HPS5: variants seen among roughly 807,000 people sequenced by gnomAD.
HPS5 encodes the protein HPS5 biogenesis of lysosomal organelles complex 2 subunit 2.
HPS5 carries 83 observed loss-of-function variants against 128.0 expected under a neutral mutation model. The ratio of observed to expected loss-of-function variants is 0.65; its 90% CI spans 0.54 to 0.78. The LOEUF is 0.78. Among genes scored for constraint, HPS5 ranks in the 30% least tolerant of loss-of-function variants. The probability of loss-of-function intolerance (pLI) is 0.00; values close to 1 mark genes in which losing one functional copy is unlikely to be tolerated. For missense variants in HPS5, 1,281 were observed against 1,326.2 expected, an observed-to-expected ratio of 0.97 and a Z score of 0.53; for synonymous variants, 475 against 470.2, an observed-to-expected ratio of 1.01 and a Z score of -0.13.
In HPS5 at chr11:18,310,883, G is replaced by A. The variant is rs1174711093; in HGVS notation, c.335C>T (p.Pro112Leu). ...WELNQERRGK[P>L]EQMYVSSEHK... ...TTCTGAAGACACATACATTTGTTCC[G>A]GTTTCCCACGACGCTCTTGATTTAA... is the stretch of plus-strand genomic sequence containing the variant. The change falls in exon 5 of 23, where the codon CCG (proline) becomes CTG (leucine). Residue 112 changes from proline (P) to leucine (L), a missense_variant. Physicochemically the swap from Pro to Leu is moderately conservative, Grantham distance 98. Coordinates refer to ENST00000349215, the MANE Select transcript of HPS5 (RefSeq NM_181507.2). 5.0e-6 allele frequency: 8 copies of A among 1,609,984 alleles called. No individual in the cohort carries two copies. The highest frequency in any genetic ancestry group is 3.4e-5 in the Admixed American group (2 of 59,648).
chr11:18,320,383 C>T (rs1202354490), intron 1 of HPS5, among the ~76,000 whole-genome samples: 3 of 152,108 alleles, frequency 2.0e-5, no homozygotes, highest in Admixed American at 1.3e-4. Flanking sequence ...ATTAGTTTTG[C>T]CCTAGATCCC....
intron 4 of HPS5, 36 bp downstream of exon 4, chr11:18,311,351 T>C: frequency 7.0e-7 from 1 of 1,426,864 alleles, no homozygotes; most frequent in South Asian, 1.2e-5. Flanking sequence ...AAAATGCATT[T>C]GAAAAAGGAC....
In HPS5 at chr11:18,306,276, C is replaced by T. The variant is rs373225781; in HGVS notation, c.683G>A (p.Cys228Tyr). The part of the protein sequence containing the change: ...EYGACFFPGR[C>Y]SGGQQPLIYC... ...TATCAGAGGTTGCTGGCCCCCAGAA[C>T]ATCTTCCAGGAAAGAAACAAGCTCC... Residue 228 changes from cysteine to tyrosine, a missense_variant, in exon 7 of 23, where the codon TGT becomes TAT. By Grantham distance (194) the Cys-to-Tyr change is radical (BLOSUM62 -2). Transcript: ENST00000349215. The T allele has an allele frequency of 3.8e-5, 62 of 1,614,050 alleles. 1 individual carries two copies. The highest frequency in any genetic ancestry group is 4.9e-5 in the Non-Finnish European group (58 of 1,180,002).
chr11:18,287,746 G>C, intron 17 of HPS5, 56 bp from the exon 18 acceptor site: 2 of 1,600,814 alleles, frequency 1.2e-6, no homozygotes, highest in Non-Finnish European at 1.7e-6. Flanking sequence ...TATATAACTT[G>C]GTTACATTTA....
intron 5 of HPS5, among the ~76,000 whole-genome samples, chr11:18,309,958 T>A (rs1862784946): frequency 6.6e-6 from 1 of 152,294 alleles, no homozygotes; most frequent in South Asian, 2.1e-4. Flanking sequence ...AGCCATGATC[T>A]CACCACTGTA....
In HPS5 at chr11:18,298,939, T is replaced by G. The variant is rs770247830; in HGVS notation, c.1017A>C (p.Glu339Asp). ...DIQDVAVCRNELFCLHLNGKV... is the reference protein window; with the variant it reads ...DIQDVAVCRNDLFCLHLNGKV... ...TCCCATTTAGGTGCAAACAGAACAA[T>G]TCATTCCTACAGACAGCCACATCCT... The change falls in exon 10 of 23, where the codon GAA becomes GAC. Residue 339 changes from glutamate to aspartate, a missense_variant. Physicochemically the swap from Glu to Asp is conservative, Grantham distance 45. Transcript: ENST00000349215. The G allele has an allele frequency of 5.5e-5, 88 of 1,614,076 alleles. No homozygotes were observed. The highest frequency in any genetic ancestry group is 7.4e-5 in the Non-Finnish European group (87 of 1,180,048).
rs1363265080 is a variant in HPS5 at position 18,283,910 on chromosome 11, A to G, written c.2952-9T>C. On this transcript the variant is annotated splice_polypyrimidine_tract_variant and intron_variant, in intron 20 of 22. Transcript: ENST00000349215. ...GATATCCAGGCCAGAAACTTTAAAG[A>G]GACCGAAGTTGAAGAAAGGAATAAA... is the stretch of plus-strand genomic sequence containing the variant. 3 of 1,594,638 alleles carry G rather than the reference A, an allele frequency of 1.9e-6. No homozygotes were observed. Among genetic ancestry groups the G allele is most frequent in the Non-Finnish European group, 2.6e-6 (3 of 1,163,182 alleles).
chr11:18,291,372 C>T, intron 16 of HPS5, 70 bp downstream of exon 16: 4 of 960,838 alleles, frequency 4.2e-6, no homozygotes, highest in Admixed American at 4.1e-5. Context: ...TTTTTTAAAC[C>T]CCAAAATTCA....
Position 18,295,014 on chromosome 11 carries a change from G to C in HPS5, c.1784+6C>G, listed in dbSNP as rs1017417668. On this transcript the variant is annotated splice_donor_region_variant and intron_variant, in intron 14 of 22. Transcript: ENST00000349215. The stretch of plus-strand genomic sequence containing the variant: ...AATGTATAGAGATTTATGTGTAAGG[G>C]CTTACTCAGTGTCTTCCTCCTTTGG... The C allele has an allele frequency of 6.2e-7, 1 of 1,613,632 alleles. No homozygotes were observed. The highest frequency in any genetic ancestry group is 1.3e-5 in the African/African-American group (1 of 74,882).
rs774643223 is a variant in HPS5 at position 18,282,207 on chromosome 11, C to G, written c.3072G>C (p.Glu1024Asp). Residue 1024 changes from glutamate to aspartate, a missense_variant, in exon 22 of 23, where the codon GAG becomes GAC. Coordinates refer to ENST00000349215, the MANE Select transcript of HPS5 (RefSeq NM_181507.2). Reference sequence around the variant, plus strand: ...GGAGAAGCTTCCATTCCTCCACGGTCTCTGGGATCCAACCTAAACACACAC... The same window carrying G: ...GGAGAAGCTTCCATTCCTCCACGGTGTCTGGGATCCAACCTAAACACACAC... Reference protein sequence around the residue: ...LMEGDNGWIPETVEEWKLLLH... With the variant: ...LMEGDNGWIPDTVEEWKLLLH... 26 of 1,613,992 alleles carry G rather than the reference C, an allele frequency of 1.6e-5. No individual in the cohort carries two copies. Among genetic ancestry groups the G allele is most frequent in the Non-Finnish European group, 2.1e-5 (25 of 1,180,044 alleles).
chr11:18,281,143 T>C (rs1204378686), intron 22 of HPS5, among the ~76,000 whole-genome samples: 1 of 151,710 alleles, frequency 6.6e-6, no homozygotes, highest in Non-Finnish European at 1.5e-5. Flanking sequence ...AATGGCGTGA[T>C]CTTGGCTCAC....
At chr11:18,317,366 G>A (rs1043147860) in intron 2 of HPS5, among the ~76,000 whole-genome samples, 12 of 150,002 alleles carry the variant, frequency 8.0e-5, no homozygotes, top group Non-Finnish European at 5.9e-5. Flanking sequence ...AGTGATTCTC[G>A]TGCCTCAGCC....
Position 18,279,485 on chromosome 11 carries a change from T to C in HPS5, c.*397A>G, listed in dbSNP as rs1277388855. 1 of 225,020 alleles carries C rather than the reference T, an allele frequency of 4.4e-6. No individual in the cohort carries two copies. The highest frequency in any genetic ancestry group is 8.9e-6 in the Non-Finnish European group (1 of 111,828). The allele number at this position is 225,020 out of a possible 1,614,324, so 13.9% of individuals were successfully genotyped here. On this transcript the variant is annotated 3_prime_UTR_variant, in exon 23 of 23. Transcript: ENST00000349215. ...ACTCCAGTCAATAATACCATCTGTCTTCATGTGACCAGGATGAAAAGCTTC... is the reference window on the plus strand; with the variant it reads ...ACTCCAGTCAATAATACCATCTGTCCTCATGTGACCAGGATGAAAAGCTTC...
chr11:18,279,020 GAAAATATTA>G lies in HPS5; in HGVS notation c.*853_*861del, dbSNP rs1446188597. ...GTCAGCTGTATATGGGTTCAGATTA[GAAAATATTA>G]AATAAATACAGGGAAAAATATTTTT... On this transcript the variant is annotated 3_prime_UTR_variant, in exon 23 of 23. Transcript: ENST00000349215. The G allele has an allele frequency of 6.6e-6, 1 of 152,164 alleles. No individual in the cohort carries two copies. Among genetic ancestry groups the G allele is most frequent in the African/African-American group, 2.4e-5 (1 of 41,444 alleles). The allele number at this position is 152,164 out of a possible 1,614,324, so 9.4% of individuals were successfully genotyped here.
chr11:18,304,446 C>G (rs1408064344), intron 8 of HPS5, among the ~76,000 whole-genome samples: 1 of 152,056 alleles, frequency 6.6e-6, no homozygotes, highest in Admixed American at 6.6e-5. Context: ...GAACTCCCGA[C>G]CTCAGAAGAT....
At chr11:18,305,207 T>G (rs147743225) in intron 8 of HPS5, among the ~76,000 whole-genome samples, 2 of 152,248 alleles carry the variant, frequency 1.3e-5, no homozygotes, top group African/African-American at 2.4e-5. Flanking sequence ...TTGGCAATTA[T>G]AAACTCTCCA....
At chr11:18,280,066 A>T in intron 22 of HPS5, 124 bp from the exon 23 acceptor site, 1 of 926,686 alleles carries the variant, frequency 1.1e-6, no homozygotes, top group Non-Finnish European at 1.7e-6. Context: ...ATTAAAAGAC[A>T]CAATGCACAG....
intron 16 of HPS5, among the ~76,000 whole-genome samples, chr11:18,288,854 T>C (rs950422878): frequency 9.9e-5 from 15 of 151,896 alleles, no homozygotes; most frequent in Non-Finnish European, 1.9e-4. Context: ...CTACGTTGCC[T>C]AGCTGCAATA....
intron 16 of HPS5, 133 bp downstream of exon 16, chr11:18,291,309 G>T: frequency 1.8e-6 from 1 of 565,982 alleles, no homozygotes. Context: ...AAAATGAATG[G>T]AAAACAGAAT....
Sources: allele counts gnomAD v4.1 joint callset (sites outside exome capture counted in the v4.1 genomes callset), GRCh38; gene constraint gnomAD v4.1.1; transcripts MANE v1.5; gene names NCBI Gene and HGNC (gene_info 2026-07-23, HGNC 2026-07-21).